The following GLG1 variants were observed in gnomAD, a reference collection of about 807,000 sequenced individuals.
GLG1 encodes Golgi apparatus protein 1.
A neutral mutation model predicts 160.5 loss-of-function variants in GLG1; 38 were observed. The observed-to-expected ratio is 0.24, with a 90% CI of 0.18 to 0.31. The LOEUF (loss-of-function observed/expected upper bound fraction) is 0.31, where lower values mean the gene tolerates loss of function less well. GLG1 is among the 10% of genes least tolerant of loss of function. The pLI is 1.00. For synonymous variants in GLG1, 644 were observed against 543.4 expected (o/e 1.19, Z -2.57); for missense variants, 1,373 against 1,505.2 (o/e 0.91, Z 1.45).
chr16:74,531,430 T>C (rs1275165308), intron 2 of GLG1, among the ~76,000 whole-genome samples: 12 of 152,188 alleles, frequency 7.9e-5, no homozygotes, highest in Non-Finnish European at 8.8e-5. Flanking sequence ...GCAATTCTCC[T>C]GCCTCAGCCT....
At chr16:74,500,341 A>G (rs1204069973) in intron 4 of GLG1, among the ~76,000 whole-genome samples, 1 of 152,156 alleles carries the variant, frequency 6.6e-6, no homozygotes, top group African/African-American at 2.4e-5. Flanking sequence ...ATTTTTTGTT[A>G]ACTTTATTAT....
chr16:74,570,790 A>G (rs934311801), intron 1 of GLG1, among the ~76,000 whole-genome samples: 2 of 152,176 alleles, frequency 1.3e-5, no homozygotes, highest in African/African-American at 2.4e-5. Flanking sequence ...TGGAAGGCTG[A>G]AGTGGGAGAA....
chr16:74,453,910 T>C (rs946311765), intron 25 of GLG1, among the ~76,000 whole-genome samples: 3 of 151,702 alleles, frequency 2.0e-5, no homozygotes, highest in Admixed American at 2.0e-4. Context: ...AGTCTTACTG[T>C]TACCCAGGCA....
Position 74,457,914 on chromosome 16 carries a change from A to C in GLG1, c.3225T>G (p.Ile1075Met). 1 of 1,614,058 alleles carries C rather than the reference A, an allele frequency of 6.2e-7. No individual in the cohort carries two copies. Among genetic ancestry groups the C allele is most frequent in the African/African-American group, 1.3e-5 (1 of 75,038 alleles). Reference protein sequence around the residue: ...PVLHTACALDIKHHCAAITPG... With the variant: ...PVLHTACALDMKHHCAAITPG... The stretch of plus-strand genomic sequence containing the variant: ...GGGTGATGGCTGCGCAGTGGTGTTT[A>C]ATGTCCAGGGCACAAGCAGTATGAA... Residue 1075 changes from isoleucine (I) to methionine (M), a missense_variant, in exon 24 of 26, where the codon ATT becomes ATG. Physicochemically the swap from Ile to Met is conservative, Grantham distance 10. Coordinates refer to ENST00000422840, the MANE Select transcript of GLG1 (RefSeq NM_001145667.2).
chr16:74,534,447 T>C (rs2017631500), intron 1 of GLG1, among the ~76,000 whole-genome samples: 1 of 152,284 alleles, frequency 6.6e-6, no homozygotes, highest in African/African-American at 2.4e-5. Flanking sequence ...CTTCTCTACT[T>C]ATACTCATTT....
intron 1 of GLG1, among the ~76,000 whole-genome samples, chr16:74,598,817 G>C (rs547702632): frequency 6.6e-6 from 1 of 151,930 alleles, no homozygotes; most frequent in Admixed American, 6.6e-5. Context: ...CCGAGAGGTG[G>C]AGGTTGCAGT....
intron 3 of GLG1, among the ~76,000 whole-genome samples, chr16:74,508,172 A>G (rs1219757571): frequency 2.0e-5 from 3 of 152,144 alleles, no homozygotes; most frequent in African/African-American, 7.2e-5. Context: ...ATTCATCAAT[A>G]GGGCCAGCTT....
At chr16:74,488,013 G>A (rs2015852638) in intron 8 of GLG1, among the ~76,000 whole-genome samples, 1 of 152,136 alleles carries the variant, frequency 6.6e-6, no homozygotes, top group South Asian at 2.1e-4. Flanking sequence ...TTTGGCCTAG[G>A]AGAGCCTGGG....
At chr16:74,528,733 A>T (rs1202958360) in intron 2 of GLG1, among the ~76,000 whole-genome samples, 3 of 137,480 alleles carry the variant, frequency 2.2e-5, no homozygotes, top group African/African-American at 8.2e-5. Flanking sequence ...AATCACTTCA[A>T]CCCCAGAGGC....
At chr16:74,518,152 C>T (rs1340766786) in intron 2 of GLG1, among the ~76,000 whole-genome samples, 1 of 152,124 alleles carries the variant, frequency 6.6e-6, no homozygotes, top group African/African-American at 2.4e-5. Context: ...TCAATGCTAT[C>T]CTCATCAAGC....
intron 1 of GLG1, among the ~76,000 whole-genome samples, chr16:74,593,176 G>C (rs1401537770): frequency 6.6e-6 from 1 of 151,996 alleles, no homozygotes; most frequent in Non-Finnish European, 1.5e-5. Context: ...ATATTACCCA[G>C]TCTTGGGTAT....
At chr16:74,466,476 A>G (rs1044470381) in intron 18 of GLG1, among the ~76,000 whole-genome samples, 2 of 152,238 alleles carry the variant, frequency 1.3e-5, no homozygotes, top group African/African-American at 4.8e-5. Context: ...AGCTGGGGCT[A>G]TCGCAGGAAG....
intron 6 of GLG1, 40 bp from the exon 7 acceptor site, chr16:74,493,180 G>A (rs1171173244): frequency 4.9e-6 from 7 of 1,433,066 alleles, no homozygotes; most frequent in East Asian, 2.3e-5. Flanking sequence ...GACCACTCAT[G>A]TAACTTTACT....
chr16:74,453,348 A>G lies in GLG1; in HGVS notation c.3373-14T>C, dbSNP rs900921801. On this transcript the variant is annotated splice_polypyrimidine_tract_variant and intron_variant, in intron 25 of 25. Transcript: ENST00000422840. Reference sequence around the variant, plus strand: ...TGCTGGGGCCACCTAGAATGACACAAGGCAATGTGATTCTCTGAGAGAGCA... The same window carrying G: ...TGCTGGGGCCACCTAGAATGACACAGGGCAATGTGATTCTCTGAGAGAGCA... 1.2e-5 allele frequency: 19 copies of G among 1,584,864 alleles called. No homozygotes were observed. Among genetic ancestry groups the G allele is most frequent in the Non-Finnish European group, 1.6e-5 (18 of 1,153,984 alleles).
intron 1 of GLG1, among the ~76,000 whole-genome samples, chr16:74,560,350 C>CG (rs1169687065): frequency 2.6e-5 from 3 of 116,356 alleles, no homozygotes; most frequent in African/African-American, 1.0e-4. Flanking sequence ...TTTTTTGAGA[C>CG]GGAGTCTCAC....
Position 74,526,786 on chromosome 16 carries a change from A to G in GLG1, c.471+5335T>C, listed in dbSNP as rs914576298. On this transcript the variant is annotated intron_variant, in intron 2 of 25. Transcript: ENST00000422840. ...TGACATGGAGAAATACTGTATGTGC[A>G]AGACACACTGAAGAGGAACAGAAGA... Among the ~76,000 whole-genome samples, 14 of 152,328 alleles carry G rather than the reference A, an allele frequency of 9.2e-5. 2 individuals are homozygous for G.
At chr16:74,569,861 CA>C (rs77923851) in intron 1 of GLG1, among the ~76,000 whole-genome samples, 227 of 76,396 alleles carry the variant, frequency 3.0e-3, no homozygotes, top group Middle Eastern at 9.3e-3. Flanking sequence ...AACTCCAACT[CA>C]AAAAAAAAAA....
At chr16:74,536,319 T>A (rs189776572) in intron 1 of GLG1, among the ~76,000 whole-genome samples, 2 of 152,198 alleles carry the variant, frequency 1.3e-5, no homozygotes, top group Non-Finnish European at 2.9e-5. Flanking sequence ...TAAAATAAGA[T>A]AAAACTGAGG....
At chr16:74,604,239 A>C (rs545833819) in intron 1 of GLG1, among the ~76,000 whole-genome samples, 1 of 152,346 alleles carries the variant, frequency 6.6e-6, no homozygotes, top group African/African-American at 2.4e-5. Flanking sequence ...GGTTCCAAAA[A>C]GCAAAAGTTA....
Sources: gnomAD v4.1 joint callset for allele counts (sites outside exome capture counted in the v4.1 genomes callset) on GRCh38, gnomAD v4.1.1 for gene constraint, MANE v1.5 for transcripts, NCBI Gene and HGNC (gene_info 2026-07-23, HGNC 2026-07-21) for gene names.